DMTF1: variants seen among roughly 807,000 people sequenced by gnomAD.
DMTF1 encodes cyclin-D-binding Myb-like transcription factor 1.
DMTF1 carries 39 observed loss-of-function variants against 91.1 expected under a neutral mutation model. That is an observed-to-expected ratio of 0.43 (90% CI 0.33 to 0.56). The LOEUF (loss-of-function observed/expected upper bound fraction) is 0.56, where lower values mean the gene tolerates loss of function less well. Ranked by LOEUF, DMTF1 falls within the 20% of genes least tolerant of loss-of-function variation. The pLI is 0.05. For synonymous variants in DMTF1, 338 were observed against 309.5 expected (o/e 1.09, Z -0.97); for missense variants, 750 against 914.5 (o/e 0.82, Z 2.32).
intron 9 of DMTF1, among the ~76,000 whole-genome samples, chr7:87,181,831 T>A (rs1262310221): frequency 6.6e-6 from 1 of 152,162 alleles, no homozygotes; most frequent in African/African-American, 2.4e-5. Flanking sequence ...ATGAAAAAAT[T>A]TGAAGGTAGA....
chr7:87,174,516 T>G, intron 6 of DMTF1, 77 bp from the exon 7 acceptor site: 1 of 981,278 alleles, frequency 1.0e-6, no homozygotes, highest in Non-Finnish European at 1.6e-6. Context: ...TATAATTTAA[T>G]CACAAAGGAA....
intron 12 of DMTF1, chr7:87,186,237 A>G (rs1475320238): frequency 2.4e-6 from 1 of 422,090 alleles, no homozygotes; most frequent in Non-Finnish European, 4.3e-6. Flanking sequence ...AGGAAATAAA[A>G]TCATGCCACA....
Position 87,182,280 on chromosome 7 carries a change from A to C in DMTF1, c.763A>C (p.Arg255=), listed in dbSNP as rs770872735. ...GGCAACAATAGGGGCGGCGCTAGGA[A>C]GAAGTGCATCTTCTGTCAAAGATCG... The part of the protein sequence containing the change: ...DWATIGAALG[R]SASSVKDRCR... The change falls in exon 10 of 18, where the codon AGA becomes CGA. Residue 255 remains arginine, a synonymous_variant. Coordinates refer to ENST00000331242, the MANE Select transcript of DMTF1 (RefSeq NM_001142327.2). 1 of 1,614,162 alleles carries C rather than the reference A, an allele frequency of 6.2e-7. No homozygotes were observed. The highest frequency in any genetic ancestry group is 8.5e-7 in the Non-Finnish European group (1 of 1,180,002).
intron 13 of DMTF1, 91 bp from the exon 14 acceptor site, chr7:87,190,854 T>C: frequency 9.6e-7 from 1 of 1,036,812 alleles, no homozygotes; most frequent in Non-Finnish European, 1.4e-6. Flanking sequence ...TAAATTGCCT[T>C]TATGATAATT....
At chr7:87,193,172 T>TA in intron 14 of DMTF1, 26 bp from the exon 15 acceptor site, 3 of 1,611,456 alleles carry the variant, frequency 1.9e-6, no homozygotes, top group Non-Finnish European at 2.5e-6. Flanking sequence ...TAATCATTGT[T>TA]AAACTATCTT....
Position 87,188,406 on chromosome 7 carries a change from G to T in DMTF1, c.1411+105G>T. On this transcript the variant is annotated intron_variant, in intron 13 of 17. Coordinates refer to ENST00000331242, the MANE Select transcript of DMTF1 (RefSeq NM_001142327.2). ...AGAATGTTAATAGAAATTTACCCAAGTCGGTGAACTGAAGGACATCTAAGA... is the reference window on the plus strand; with the variant it reads ...AGAATGTTAATAGAAATTTACCCAATTCGGTGAACTGAAGGACATCTAAGA... The T allele has an allele frequency of 5.1e-6, 6 of 1,187,088 alleles. No homozygotes were observed. The South Asian group carries it at 8.0e-5, about 16-fold the overall frequency. The allele number at this position is 1,187,088 out of a possible 1,614,324, so 73.5% of individuals were successfully genotyped here.
intron 4 of DMTF1, among the ~76,000 whole-genome samples, chr7:87,167,230 T>TA (rs1794036327): frequency 6.6e-6 from 1 of 152,244 alleles, no homozygotes; most frequent in African/African-American, 2.4e-5. Context: ...AGTTTATTCT[T>TA]ACCGAGAAAG....
chr7:87,177,300 T>TAAA (rs1796462895), intron 7 of DMTF1, among the ~76,000 whole-genome samples: 2 of 152,294 alleles, frequency 1.3e-5, no homozygotes, highest in Admixed American at 1.3e-4. Context: ...GGGTTCTTTT[T>TAAA]AGTTTTTTAT....
intron 3 of DMTF1, among the ~76,000 whole-genome samples, chr7:87,165,295 A>G (rs1360428734): frequency 6.6e-6 from 1 of 152,180 alleles, no homozygotes; most frequent in African/African-American, 2.4e-5. Flanking sequence ...CTTTTTTTAT[A>G]CTAATTGGTA....
intron 1 of DMTF1, among the ~76,000 whole-genome samples, chr7:87,159,848 CTAAA>C (rs1198649101): frequency 6.6e-6 from 1 of 152,186 alleles, no homozygotes; most frequent in Non-Finnish European, 1.5e-5. Context: ...CTAAACATAT[CTAAA>C]TATAGAAAAG....
At chr7:87,178,918 A>G (rs1489925641) in intron 7 of DMTF1, among the ~76,000 whole-genome samples, 4 of 151,756 alleles carry the variant, frequency 2.6e-5, no homozygotes, top group Admixed American at 6.6e-5. Context: ...GATTTTCTTG[A>G]TGGTCTGTGC....
chr7:87,173,321 TTTG>T (rs748679447), intron 5 of DMTF1, among the ~76,000 whole-genome samples: 99 of 152,182 alleles, frequency 6.5e-4, no homozygotes, highest in Non-Finnish European at 1.3e-3. Flanking sequence ...TGCATATAAT[TTTG>T]TTTTCATACT....
At chr7:87,158,812 A>G (rs1365208014) in intron 1 of DMTF1, among the ~76,000 whole-genome samples, 1 of 152,134 alleles carries the variant, frequency 6.6e-6, no homozygotes, top group Non-Finnish European at 1.5e-5. Context: ...AACATTCTTA[A>G]CCAGTGTCTT....
chr7:87,192,811 C>T (rs539946990), intron 14 of DMTF1: 15 of 161,584 alleles, frequency 9.3e-5, no homozygotes, highest in East Asian at 1.7e-4. Flanking sequence ...AAAATTATAC[C>T]GTGAAAAAGT....
At chr7:87,179,407 T>C (rs1796893905) in intron 7 of DMTF1, 138 bp from the exon 8 acceptor site, 3 of 589,354 alleles carry the variant, frequency 5.1e-6, no homozygotes, top group Non-Finnish European at 7.6e-6. Flanking sequence ...TTATATTTGA[T>C]TTATTAATGA....
chr7:87,186,344 C>G (rs1485165535), intron 12 of DMTF1: 1 of 178,426 alleles, frequency 5.6e-6, no homozygotes, highest in Non-Finnish European at 1.2e-5. Flanking sequence ...AACCTTAAAC[C>G]TGTCGGCTCA....
At chr7:87,166,416 C>A in intron 3 of DMTF1, 67 bp from the exon 4 acceptor site, 2 of 1,506,286 alleles carry the variant, frequency 1.3e-6, no homozygotes, top group South Asian at 1.2e-5. Flanking sequence ...AATTGTAGAG[C>A]CATTGTTAGA....
intron 7 of DMTF1, among the ~76,000 whole-genome samples, chr7:87,178,179 A>G (rs1796631070): frequency 6.6e-6 from 1 of 152,134 alleles, no homozygotes; most frequent in African/African-American, 2.4e-5. Flanking sequence ...CATAAAGGAC[A>G]TTGATAACTT....
intron 4 of DMTF1, 38 bp from the exon 5 acceptor site, chr7:87,170,957 G>A (rs374553113): frequency 1.4e-5 from 19 of 1,335,364 alleles, no homozygotes; most frequent in Admixed American, 1.4e-4. Context: ...AGAACTTGCC[G>A]TTATTATTCT....
Sources: allele counts gnomAD v4.1 joint callset (sites outside exome capture counted in the v4.1 genomes callset), GRCh38; gene constraint gnomAD v4.1.1; transcripts MANE v1.5; gene names NCBI Gene and HGNC (gene_info 2026-07-23, HGNC 2026-07-21).